The following SLC36A1 variants were observed in gnomAD, a reference collection of about 807,000 sequenced individuals.
SLC36A1 encodes the protein proton-coupled amino acid transporter 1.
A neutral mutation model predicts 47.5 loss-of-function variants in SLC36A1; 30 were observed. The ratio of observed to expected loss-of-function variants is 0.63; its 90% confidence interval spans 0.47 to 0.86. The LOEUF (loss-of-function observed/expected upper bound fraction) is 0.86, where lower values mean the gene tolerates loss of function less well. Among genes scored for constraint, SLC36A1 ranks in the 40% least tolerant of loss-of-function variants. SLC36A1 has a pLI of 0.00. For missense variants in SLC36A1, 517 were observed against 606.0 expected (o/e 0.85, Z 1.54); for synonymous variants, 255 against 249.7 (o/e 1.02, Z -0.20).
the SLC36A1 span, chr5:151,517,770 G>A: frequency 6.2e-7 from 1 of 1,614,028 alleles, no homozygotes; most frequent in Non-Finnish European, 8.5e-7. Context: ...CAGTACCTGA[G>A]AAAGCAACCA....
the SLC36A1 span, among the ~76,000 whole-genome samples, chr5:151,358,123 G>T: frequency 6.6e-6 from 1 of 152,146 alleles, no homozygotes; most frequent in African/African-American, 2.4e-5. Flanking sequence ...AGCTGTGATT[G>T]GCTGAGACTC....
chr5:151,478,140 A>G (rs1758324430), intron 9 of SLC36A1, among the ~76,000 whole-genome samples: 1 of 152,228 alleles, frequency 6.6e-6, no homozygotes, highest in Admixed American at 6.5e-5. Context: ...TGCTTATAGC[A>G]TAAGAACATC....
At chr5:151,534,363 G>T in the SLC36A1 span, 15 of 1,478,100 alleles carry the variant, frequency 1.0e-5, no homozygotes, top group East Asian at 1.2e-4. Flanking sequence ...TGCCCAAGGT[G>T]ACCCAGGAGA....
the SLC36A1 span, among the ~76,000 whole-genome samples, chr5:151,362,527 A>G: frequency 6.6e-6 from 1 of 151,766 alleles, no homozygotes; most frequent in Non-Finnish European, 1.5e-5. Flanking sequence ...AATAGCTGGG[A>G]CTATAGGCAC....
At chr5:151,540,476 C>G in the SLC36A1 span, 1 of 1,175,582 alleles carries the variant, frequency 8.5e-7, no homozygotes, top group African/African-American at 1.5e-5. Flanking sequence ...CCTCAATCTC[C>G]CTTCTCCTGC....
chr5:151,515,139 C>G, the SLC36A1 span, among the ~76,000 whole-genome samples: 4 of 152,186 alleles, frequency 2.6e-5, no homozygotes, highest in African/African-American at 9.7e-5. Context: ...CACTTCCCAT[C>G]TTACTGGCCT....
chr5:151,439,441 T>C (rs1752494221), intron 1 of SLC36A1, among the ~76,000 whole-genome samples: 1 of 152,090 alleles, frequency 6.6e-6, no homozygotes, highest in Non-Finnish European at 1.5e-5. Context: ...GATCATGATG[T>C]CAGGAGATCA....
the SLC36A1 span, chr5:151,553,211 C>T: frequency 2.5e-6 from 4 of 1,614,270 alleles, no homozygotes; most frequent in Admixed American, 6.7e-5. Flanking sequence ...CGGGTCTGCC[C>T]TCTACGCTGA....
At chr5:151,413,817 C>T in the SLC36A1 span, among the ~76,000 whole-genome samples, 50 of 151,896 alleles carry the variant, frequency 3.3e-4, no homozygotes, top group Non-Finnish European at 5.6e-4. Flanking sequence ...AGATTCATTT[C>T]GGAAAGGTAT....
At chr5:151,531,496 G>T in the SLC36A1 span, 14 of 1,533,112 alleles carry the variant, frequency 9.1e-6, no homozygotes, top group Non-Finnish European at 1.2e-5. This position sits in a 1 kb window ranked among gnomAD's most constrained non-coding sequence, Gnocchi z 5.7. Context: ...GGGAGGCGCT[G>T]CACAGGGTAG....
At chr5:151,427,906 C>T in the SLC36A1 span, among the ~76,000 whole-genome samples, 6 of 152,144 alleles carry the variant, frequency 3.9e-5, no homozygotes, top group Non-Finnish European at 8.8e-5. Context: ...AGTTACATCT[C>T]CCAGACTCCT....
the SLC36A1 span, among the ~76,000 whole-genome samples, chr5:151,359,800 A>G: frequency 1.3e-5 from 2 of 152,244 alleles, no homozygotes; most frequent in Non-Finnish European, 2.9e-5. Context: ...TTTTGAGTTC[A>G]TCCATGCTGT....
the SLC36A1 span, chr5:151,540,438 CCTGCCCCT>C: frequency 1.1e-4 from 67 of 593,378 alleles, no homozygotes; most frequent in African/African-American, 1.1e-3. Flanking sequence ...TCTCCCTTCT[CCTGCCCCT>C]CACTCTCTGT....
At chr5:151,391,435 T>C in the SLC36A1 span, among the ~76,000 whole-genome samples, 5 of 151,822 alleles carry the variant, frequency 3.3e-5, no homozygotes, top group Non-Finnish European at 5.9e-5. Flanking sequence ...CTTCCAACAC[T>C]ATGTTGAATA....
the SLC36A1 span, chr5:151,381,985 G>C: frequency 3.5e-6 from 2 of 570,670 alleles, no homozygotes; most frequent in Non-Finnish European, 6.3e-6. Context: ...GGGGGTTACA[G>C]TACTACCATG....
intron 10 of SLC36A1, chr5:151,479,956 G>T: frequency 1.6e-6 from 1 of 623,898 alleles, no homozygotes; most frequent in South Asian, 2.1e-5. Flanking sequence ...ATTTTTTAAT[G>T]TCAGTCTTAC....
the SLC36A1 span, among the ~76,000 whole-genome samples, chr5:151,529,730 T>G: frequency 6.6e-6 from 1 of 152,244 alleles, no homozygotes; most frequent in East Asian, 1.9e-4. Flanking sequence ...TCCCATTTTC[T>G]AGGTCAGTCC....
chr5:151,435,827 A>G (rs1400514885), upstream of SLC36A1, among the ~76,000 whole-genome samples: 1 of 141,476 alleles, frequency 7.1e-6, no homozygotes, highest in Non-Finnish European at 1.5e-5. Flanking sequence ...GACTATAAAT[A>G]TATCTGTAAT....
chr5:151,427,593 C>T, the SLC36A1 span, among the ~76,000 whole-genome samples: 74 of 152,266 alleles, frequency 4.9e-4, 1 homozygote, highest in African/African-American at 1.7e-3. Context: ...GGCCAGGAAA[C>T]TATGTCTTAG....
Sources: allele counts gnomAD v4.1 joint callset (sites outside exome capture counted in the v4.1 genomes callset), GRCh38; gene constraint gnomAD v4.1.1; non-coding constraint Gnocchi (gnomAD v3.1); transcripts MANE v1.5; gene names NCBI Gene and HGNC (gene_info 2026-07-23, HGNC 2026-07-21).